KLF12: variants seen among roughly 807,000 people sequenced by gnomAD.
The protein encoded by KLF12 is Krueppel-like factor 12.
A neutral mutation model predicts 37.8 loss-of-function variants in KLF12; 9 were observed. The observed-to-expected ratio is 0.24, with a 90% CI of 0.14 to 0.42. KLF12 has a LOEUF of 0.42. Among genes scored for constraint, KLF12 ranks in the 10% least tolerant of loss-of-function variants. KLF12 has a pLI of 1.00. For missense variants in KLF12, 411 were observed against 516.0 expected (o/e 0.80, Z 1.97); for synonymous variants, 208 against 202.1 (o/e 1.03, Z -0.25).
At chr13:74,035,641 G>A (rs1437697895) in intron 1 of KLF12, among the ~76,000 whole-genome samples, 2 of 152,114 alleles carry the variant, frequency 1.3e-5, no homozygotes, top group African/African-American at 4.8e-5. Context: ...TTTTAGAAAA[G>A]CTGAAGAGAA....
chr13:74,209,522 T>TCTCACA, the KLF12 span, among the ~76,000 whole-genome samples: 19 of 145,998 alleles, frequency 1.3e-4, no homozygotes, highest in Non-Finnish European at 2.6e-4. Flanking sequence ...AACATCTTAG[T>TCTCACA]CACACACACA....
the KLF12 span, among the ~76,000 whole-genome samples, chr13:74,218,736 A>C: frequency 6.6e-6 from 1 of 152,212 alleles, no homozygotes; most frequent in African/African-American, 2.4e-5. Context: ...TGAGATAACG[A>C]GTCTAACATA....
At chr13:74,282,086 G>C in the KLF12 span, among the ~76,000 whole-genome samples, 2 of 152,182 alleles carry the variant, frequency 1.3e-5, no homozygotes, top group African/African-American at 4.8e-5. Flanking sequence ...GAAGGTGGGA[G>C]TGGGACTTGC....
intron 3 of KLF12, among the ~76,000 whole-genome samples, chr13:73,908,401 C>CAAAAAAA (rs200413877): frequency 1.5e-5 from 2 of 129,336 alleles, no homozygotes; most frequent in Non-Finnish European, 3.2e-5. Flanking sequence ...GACTCTGTCT[C>CAAAAAAA]AAAAAAAAAA....
Position 73,694,235 on chromosome 13 carries a change from C to T in KLF12, c.*1255G>A, listed in dbSNP as rs921037776. The T allele has an allele frequency of 2.0e-5, 3 of 152,528 alleles. No individual in the cohort carries two copies. The highest frequency in any genetic ancestry group is 4.8e-5 in the African/African-American group (2 of 41,406). The allele number at this position is 152,528 out of a possible 1,614,324, so 9.4% of individuals were successfully genotyped here. A position where few individuals can be genotyped will look rare whatever the true frequency, so the allele number is the denominator to read the frequency against. ...ACCCATTAACCGAAGAGTTAATTCCCGGCTATGCCTCCCTTGCCTTTCTAG... is the reference window on the plus strand; with the variant it reads ...ACCCATTAACCGAAGAGTTAATTCCTGGCTATGCCTCCCTTGCCTTTCTAG... On this transcript the variant is annotated 3_prime_UTR_variant, in exon 8 of 8. Transcript: ENST00000377669.
rs933121565 is a variant in KLF12 at position 73,912,004 on chromosome 13, C to T, written c.123+31977G>A. On this transcript the variant is annotated intron_variant, in intron 3 of 7. Coordinates refer to ENST00000377669, the MANE Select transcript of KLF12 (RefSeq NM_007249.5). ...TTGTTTTGTTGCAATAAGGACATTG[C>T]TGATGGTTTAACTACTGACTTCTCC... 7.2e-5 allele frequency among the ~76,000 whole-genome samples: 11 copies of T among 152,148 alleles called. No individual in the cohort carries two copies. The South Asian group carries it at 2.1e-3, about 29-fold the overall frequency.
At chr13:74,152,560 G>T in the KLF12 span, among the ~76,000 whole-genome samples, 1 of 151,966 alleles carries the variant, frequency 6.6e-6, no homozygotes, top group Non-Finnish European at 1.5e-5. Flanking sequence ...TCTTAGGCTG[G>T]GCAACACAAG....
At chr13:74,090,554 T>C (rs547753083) in intron 1 of KLF12, among the ~76,000 whole-genome samples, 1 of 152,284 alleles carries the variant, frequency 6.6e-6, no homozygotes, top group Non-Finnish European at 1.5e-5. Flanking sequence ...AATAAATGTA[T>C]ACTGGTGGGT....
chr13:73,865,012 T>C (rs1323322572), intron 3 of KLF12, among the ~76,000 whole-genome samples: 4 of 152,048 alleles, frequency 2.6e-5, no homozygotes, highest in Non-Finnish European at 4.4e-5. Flanking sequence ...GAAAGACATA[T>C]ACAGTTATAT....
At chr13:74,287,389 A>AGAGAGAGAGAGAGAGAGAGAGAGAGG in the KLF12 span, among the ~76,000 whole-genome samples, 1 of 150,646 alleles carries the variant, frequency 6.6e-6, no homozygotes, top group African/African-American at 2.5e-5. Flanking sequence ...AGAGAGAGAG[A>AGAGAGAGAGAGAGAGAGAGAGAGAGG]GAGAGAATCC....
chr13:73,686,366 A>G lies in KLF12; in HGVS notation c.*9124T>C, dbSNP rs1176767471. ...CTTTACATTATCATAGGGCAAAAAA[A>G]TCACCATTTTACAGTAAAAGGAAAA... On this transcript the variant is annotated 3_prime_UTR_variant, in exon 8 of 8. Transcript: ENST00000377669. 1.3e-5 allele frequency: 2 copies of G among 152,670 alleles called. No homozygotes were observed. Among genetic ancestry groups the G allele is most frequent in the East Asian group, 1.9e-4 (1 of 5,202 alleles). The allele number at this position is 152,670 out of a possible 1,614,324, so 9.5% of individuals were successfully genotyped here. A position where few individuals can be genotyped will look rare whatever the true frequency, so the allele number is the denominator to read the frequency against.
Position 73,973,953 on chromosome 13 carries a change from T to C in KLF12, c.33+21037A>G, listed in dbSNP as rs570184826. Among the ~76,000 whole-genome samples, 5 of 152,060 alleles carry C rather than the reference T, an allele frequency of 3.3e-5. No homozygotes were observed. The South Asian group carries it at 1.0e-3, about 32-fold the overall frequency. Reference sequence around the variant, plus strand: ...GGAGACCAAAAATTTATCAACTCAGTACTCGTAAACACAATAAAAACAGCA... The same window carrying C: ...GGAGACCAAAAATTTATCAACTCAGCACTCGTAAACACAATAAAAACAGCA... On this transcript the variant is annotated intron_variant, in intron 2 of 7. Coordinates refer to ENST00000377669, the MANE Select transcript of KLF12 (RefSeq NM_007249.5).
chr13:74,004,190 C>T (rs1301645215), intron 1 of KLF12, among the ~76,000 whole-genome samples: 2 of 152,154 alleles, frequency 1.3e-5, no homozygotes, highest in African/African-American at 4.8e-5. Context: ...AGGAAAGCCA[C>T]TAGCCAACAA....
the KLF12 span, among the ~76,000 whole-genome samples, chr13:74,140,373 A>T: frequency 6.6e-6 from 1 of 152,192 alleles, no homozygotes; most frequent in South Asian, 2.1e-4. Flanking sequence ...AAATAAAAAA[A>T]AATAAGCTGG....
chr13:74,015,039 A>C (rs1299962442), intron 1 of KLF12, among the ~76,000 whole-genome samples: 1 of 152,134 alleles, frequency 6.6e-6, no homozygotes, highest in Non-Finnish European at 1.5e-5. Context: ...AGCTGGATAG[A>C]GGCACATTTA....
At chr13:73,823,303 C>T (rs1397161371) in intron 4 of KLF12, among the ~76,000 whole-genome samples, 1 of 151,718 alleles carries the variant, frequency 6.6e-6, no homozygotes, top group Non-Finnish European at 1.5e-5. Context: ...AAATCCACCT[C>T]GAACTTAAGT....
chr13:73,784,594 C>T (rs1343574313), intron 5 of KLF12, among the ~76,000 whole-genome samples: 3 of 151,876 alleles, frequency 2.0e-5, no homozygotes, highest in Non-Finnish European at 2.9e-5. Flanking sequence ...CCCATCTCCT[C>T]CTCCACTCCA....
chr13:73,889,824 C>CA (rs1887416502), intron 3 of KLF12, among the ~76,000 whole-genome samples: 1 of 151,882 alleles, frequency 6.6e-6, no homozygotes, highest in African/African-American at 2.4e-5. Context: ...TAGAATATTA[C>CA]AAAATAAAAG....
intron 1 of KLF12, among the ~76,000 whole-genome samples, chr13:74,101,826 A>T (rs1426207382): frequency 1.3e-5 from 2 of 152,210 alleles, no homozygotes. Context: ...ACTCTTCCAT[A>T]AAGCAGATTA....
Sources: gnomAD v4.1 joint callset for allele counts (sites outside exome capture counted in the v4.1 genomes callset) on GRCh38, gnomAD v4.1.1 for gene constraint, MANE v1.5 for transcripts, NCBI Gene and HGNC (gene_info 2026-07-23, HGNC 2026-07-21) for gene names.